NSMCE2: variants seen among roughly 807,000 people sequenced by gnomAD.
NSMCE2 encodes NSE2 SUMO ligase component of SMC5/6 complex, also known as E3 SUMO-protein ligase NSE2.
In NSMCE2, 24 loss-of-function variants were observed where a neutral mutation model predicts 23.8. The observed-to-expected ratio is 1.01, with a 90% confidence interval of 0.73 to 1.42. NSMCE2 has a LOEUF of 1.42. Among genes scored for constraint, NSMCE2 ranks in the 40% most tolerant of loss-of-function variants. NSMCE2 has a pLI of 0.00. For synonymous variants in NSMCE2, 92 were observed against 94.1 expected (o/e 0.98, Z 0.13); for missense variants, 284 against 296.5 (o/e 0.96, Z 0.31).
At chr8:125,286,303 T>C (rs949753969) in intron 5 of NSMCE2, among the ~76,000 whole-genome samples, 2 of 138,816 alleles carry the variant, frequency 1.4e-5, no homozygotes, top group Non-Finnish European at 3.2e-5. Flanking sequence ...CTCCAAACAA[T>C]ACCTTTTATT....
intron 5 of NSMCE2, among the ~76,000 whole-genome samples, chr8:125,215,141 C>T (rs1824519246): frequency 6.6e-6 from 1 of 151,472 alleles, no homozygotes; most frequent in Non-Finnish European, 1.5e-5. Flanking sequence ...GCTGCACCCA[C>T]TAACTCGTCA....
chr8:125,117,463 G>A (rs1200280522), intron 3 of NSMCE2, among the ~76,000 whole-genome samples: 2 of 152,100 alleles, frequency 1.3e-5, no homozygotes, highest in African/African-American at 2.4e-5. Context: ...GCCATGTCTC[G>A]ATATCTCGAT....
intron 3 of NSMCE2, among the ~76,000 whole-genome samples, chr8:125,133,527 C>T (rs751306229): frequency 2.6e-5 from 4 of 152,042 alleles, no homozygotes; most frequent in East Asian, 1.9e-4. Flanking sequence ...TTCACTTGAG[C>T]TCAGGAGTTC....
At position 125,163,020 on chromosome 8, in the gene NSMCE2, T is replaced by C. The variant is rs1586544444; in HGVS notation, c.264+11743T>C. 2.0e-5 allele frequency among the ~76,000 whole-genome samples: 3 copies of C among 152,166 alleles called. No individual in the cohort carries two copies. In the East Asian group the frequency reaches 5.8e-4, roughly 29 times the overall value. On this transcript the variant is annotated intron_variant, in intron 4 of 7. Coordinates refer to ENST00000287437, the MANE Select transcript of NSMCE2 (RefSeq NM_173685.4). Reference sequence around the variant, plus strand: ...GTCACTGAGTCACTTTATTATGAAATACTTAAAGTTGAATATCTGTATATA... The same window carrying C: ...GTCACTGAGTCACTTTATTATGAAACACTTAAAGTTGAATATCTGTATATA...
chr8:125,268,396 G>T (rs1180009427), intron 5 of NSMCE2, among the ~76,000 whole-genome samples: 18 of 152,016 alleles, frequency 1.2e-4, no homozygotes, highest in Non-Finnish European at 1.5e-4. Context: ...AAGAGAAAAG[G>T]ATCCCAAGGT....
chr8:125,170,415 T>A (rs561298226), intron 4 of NSMCE2, among the ~76,000 whole-genome samples: 4,532 of 93,062 alleles, frequency 0.049, 207 homozygotes, highest in African/African-American at 0.057. Flanking sequence ...TTTTTTTTTT[T>A]AAGACAGAGT....
chr8:125,341,002 C>T (rs1412264251), intron 5 of NSMCE2, among the ~76,000 whole-genome samples: 1 of 152,170 alleles, frequency 6.6e-6, no homozygotes, highest in African/African-American at 2.4e-5. Context: ...CTTACGTGTT[C>T]CCTCACTGGG....
chr8:125,138,337 C>T (rs1820175408), intron 3 of NSMCE2, among the ~76,000 whole-genome samples: 1 of 152,134 alleles, frequency 6.6e-6, no homozygotes, highest in Non-Finnish European at 1.5e-5. Context: ...GATCCTCCCA[C>T]CTCGGTCTCC....
At chr8:125,219,868 A>G (rs1010282766) in intron 5 of NSMCE2, among the ~76,000 whole-genome samples, 2 of 152,210 alleles carry the variant, frequency 1.3e-5, no homozygotes, top group Non-Finnish European at 2.9e-5. Context: ...TAATTTTCTG[A>G]CATTACTGGA....
At position 125,182,221 on chromosome 8, in the gene NSMCE2, A is replaced by G. The variant is rs1822859737; in HGVS notation, c.383A>G (p.Gln128Arg). The change falls in exon 5 of 8, where the codon CAG (glutamine) becomes CGG (arginine). Residue 128 changes from glutamine (Q) to arginine (R), a missense_variant. Gln to Arg is a conservative substitution (Grantham distance 43, BLOSUM62 1). Around this residue, in one of 2 missense-constraint regions of NSMCE2, gnomAD observed 182 missense variants for 155.5 expected, o/e 1.17. Coordinates refer to ENST00000287437, the MANE Select transcript of NSMCE2 (RefSeq NM_173685.4). Reference sequence around the variant, plus strand: ...TTTCAAAATAATGAAAAATTTGTACAGTTTAAACAACAGCTGAAAGAACTA... The same window carrying G: ...TTTCAAAATAATGAAAAATTTGTACGGTTTAAACAACAGCTGAAAGAACTA... ...ADFQNNEKFV[Q>R]FKQQLKELKK... 2 of 1,606,836 alleles carry G rather than the reference A, an allele frequency of 1.2e-6. No homozygotes were observed. The highest frequency in any genetic ancestry group is 2.2e-5 in the East Asian group (1 of 44,800).
chr8:125,144,516 G>C (rs1347669232), intron 3 of NSMCE2, among the ~76,000 whole-genome samples: 1 of 152,206 alleles, frequency 6.6e-6, no homozygotes, highest in Non-Finnish European at 1.5e-5. Flanking sequence ...ATAAGCTCAT[G>C]AGTCCATGCT....
chr8:125,150,426 C>CTT (rs71295819), intron 3 of NSMCE2, among the ~76,000 whole-genome samples: 939 of 61,886 alleles, frequency 0.015, 32 homozygotes, highest in African/African-American at 0.023. Flanking sequence ...TTCTTTCTTT[C>CTT]TTTTTTTTTT....
At chr8:125,260,528 CTT>C (rs1008906927) in intron 5 of NSMCE2, among the ~76,000 whole-genome samples, 1 of 149,558 alleles carries the variant, frequency 6.7e-6, no homozygotes, top group African/African-American at 2.5e-5. Context: ...GAACCTTTCA[CTT>C]TCCTTCTCGG....
chr8:125,210,271 G>A lies in NSMCE2; in HGVS notation c.418+28015G>A, dbSNP rs57641068. 4.9e-3 allele frequency among the ~76,000 whole-genome samples: 753 copies of A among 152,252 alleles called. 4 individuals are homozygous for A. Among genetic ancestry groups the A allele is most frequent in the African/African-American group, 0.017 (719 of 41,542 alleles). ...GGCACACAGTAAATGTTATGTGTTA[G>A]CTATTCATTACTGTCATTATTACTA... On this transcript the variant is annotated intron_variant, in intron 5 of 7. Transcript: ENST00000287437.
At chr8:125,303,928 G>A (rs1484315790) in intron 5 of NSMCE2, among the ~76,000 whole-genome samples, 2 of 152,166 alleles carry the variant, frequency 1.3e-5, no homozygotes, top group Non-Finnish European at 2.9e-5. Context: ...GCTGGCTAAA[G>A]AAACAATGTT....
At chr8:125,222,381 TCTC>T (rs1430501141) in intron 5 of NSMCE2, among the ~76,000 whole-genome samples, 8 of 152,294 alleles carry the variant, frequency 5.3e-5, no homozygotes, top group East Asian at 1.9e-4. Flanking sequence ...ACTTTTGAAA[TCTC>T]CTCTAAGTAA....
At chr8:125,326,082 C>G (rs1284703746) in intron 5 of NSMCE2, among the ~76,000 whole-genome samples, 3 of 151,920 alleles carry the variant, frequency 2.0e-5, no homozygotes, top group Non-Finnish European at 4.4e-5. Context: ...ATGGTGAAAC[C>G]CCATCTCTAC....
intron 5 of NSMCE2, among the ~76,000 whole-genome samples, chr8:125,260,213 G>C (rs1193640568): frequency 6.6e-6 from 1 of 152,196 alleles, no homozygotes; most frequent in African/African-American, 2.4e-5. Flanking sequence ...CAGAATAGTG[G>C]AAGGGAGTGG....
chr8:125,314,355 T>C (rs1455676865), intron 5 of NSMCE2, among the ~76,000 whole-genome samples: 3 of 152,154 alleles, frequency 2.0e-5, no homozygotes, highest in Non-Finnish European at 4.4e-5. Context: ...AGTGGCACGA[T>C]CTCAGGTCAC....
Sources: gnomAD v4.1 joint callset for allele counts (sites outside exome capture counted in the v4.1 genomes callset) on GRCh38, gnomAD v4.1.1 for gene constraint, gnomAD v4.1.1 regional missense constraint, MANE v1.5 for transcripts, NCBI Gene and HGNC (gene_info 2026-07-23, HGNC 2026-07-21) for gene names.